DCLK1: variants seen among roughly 807,000 people sequenced by gnomAD.
The protein encoded by DCLK1 is serine/threonine-protein kinase DCLK1.
In DCLK1, 16 loss-of-function variants were observed where a neutral mutation model predicts 86.2. That is an observed-to-expected ratio of 0.19 (90% CI 0.13 to 0.28). The LOEUF (loss-of-function observed/expected upper bound fraction) is 0.28. DCLK1 is among the 10% of genes least tolerant of loss of function. The pLI is 1.00. For synonymous variants in DCLK1, 369 were observed against 370.5 expected, an observed-to-expected ratio of 1.00 and a Z score of 0.05; for missense variants, 590 against 940.2, an observed-to-expected ratio of 0.63 and a Z score of 4.87.
At chr13:36,091,122 C>A (rs1205712130) in intron 3 of DCLK1, among the ~76,000 whole-genome samples, 1 of 152,116 alleles carries the variant, frequency 6.6e-6, no homozygotes, top group East Asian at 1.9e-4. Flanking sequence ...AAAATTTTCT[C>A]CCATTCTGTT....
rs746607461 is a variant in DCLK1, at chr13:35,827,548, G to A, written c.1407+87C>T. On this transcript the variant is annotated intron_variant, in intron 10 of 16. Coordinates refer to ENST00000360631, the MANE Select transcript of DCLK1 (RefSeq NM_001330071.2). ...GTACAGAAATGAGAACCTGAATACT[G>A]ATGGGAGAAAATAAGGGAAAGAGCT... The A allele has an allele frequency of 6.0e-6, 9 of 1,497,754 alleles. No individual in the cohort carries two copies. In the Admixed American group the frequency reaches 1.4e-4, roughly 23 times the overall value. 92.8% of individuals were successfully genotyped at this position (1,497,754 alleles called of 1,614,324 possible).
intron 3 of DCLK1, among the ~76,000 whole-genome samples, chr13:36,028,093 G>A (rs1275963120): frequency 6.6e-6 from 1 of 152,194 alleles, no homozygotes; most frequent in East Asian, 1.9e-4. Context: ...TCAAGTTGAT[G>A]TTTTAGAAGA....
At chr13:36,103,404 T>TAAAAA (rs71084406) in intron 3 of DCLK1, among the ~76,000 whole-genome samples, 15 of 109,078 alleles carry the variant, frequency 1.4e-4, no homozygotes, top group African/African-American at 5.2e-4. Flanking sequence ...ACACCTGTCT[T>TAAAAA]AAAAAAAAAA....
At chr13:35,926,954 A>G (rs1456619857) in intron 4 of DCLK1, among the ~76,000 whole-genome samples, 1 of 152,248 alleles carries the variant, frequency 6.6e-6, no homozygotes, top group African/African-American at 2.4e-5. Context: ...GCAACTTCAC[A>G]TAATGGAATG....
intron 16 of DCLK1, among the ~76,000 whole-genome samples, chr13:35,778,041 A>G (rs2086456348): frequency 6.6e-6 from 1 of 152,232 alleles, no homozygotes; most frequent in South Asian, 2.1e-4. Context: ...CACAGTAGAT[A>G]TTCTACGAAC....
chr13:35,970,764 C>G (rs59179652), intron 3 of DCLK1, among the ~76,000 whole-genome samples: 1 of 152,136 alleles, frequency 6.6e-6, no homozygotes, highest in Non-Finnish European at 1.5e-5. Flanking sequence ...AATTACTCAG[C>G]CTCGGGTATT....
chr13:35,917,835 A>G (rs1875523103), intron 4 of DCLK1, among the ~76,000 whole-genome samples: 1 of 152,002 alleles, frequency 6.6e-6, no homozygotes, highest in Non-Finnish European at 1.5e-5. Flanking sequence ...GGAGGCCTCC[A>G]GTGGAGAGGC....
At chr13:36,103,860 G>T (rs1174337451) in intron 3 of DCLK1, among the ~76,000 whole-genome samples, 2 of 152,144 alleles carry the variant, frequency 1.3e-5, no homozygotes, top group African/African-American at 4.8e-5. Flanking sequence ...ATATCCATGG[G>T]ACATATTGAT....
At chr13:35,803,741 C>T (rs1022586792) in intron 15 of DCLK1, among the ~76,000 whole-genome samples, 13 of 152,180 alleles carry the variant, frequency 8.5e-5, no homozygotes, top group African/African-American at 3.1e-4. Context: ...ACAAATCACT[C>T]GACTACTCAC....
At chr13:36,031,060 C>G (rs866680734) in intron 3 of DCLK1, among the ~76,000 whole-genome samples, 3 of 152,184 alleles carry the variant, frequency 2.0e-5, no homozygotes, top group Non-Finnish European at 2.9e-5. Flanking sequence ...CTCACTCCTA[C>G]GCTTTTCCCA....
intron 12 of DCLK1, among the ~76,000 whole-genome samples, chr13:35,810,299 C>T (rs1257638262): frequency 6.6e-6 from 1 of 152,146 alleles, no homozygotes; most frequent in Non-Finnish European, 1.5e-5. Flanking sequence ...GAATAGGCTA[C>T]CCCACCCTTC....
intron 15 of DCLK1, among the ~76,000 whole-genome samples, chr13:35,801,417 C>A (rs1342038230): frequency 6.6e-6 from 1 of 152,084 alleles, no homozygotes; most frequent in Admixed American, 6.5e-5. Flanking sequence ...AAAAGTTAAG[C>A]ACTCACTTAA....
At chr13:36,025,458 A>G (rs1220469370) in intron 3 of DCLK1, among the ~76,000 whole-genome samples, 3 of 152,224 alleles carry the variant, frequency 2.0e-5, no homozygotes, top group Non-Finnish European at 4.4e-5. Flanking sequence ...TTCCTAATAG[A>G]CAAAAGGTTG....
At chr13:36,073,030 C>T (rs1884035611) in intron 3 of DCLK1, among the ~76,000 whole-genome samples, 1 of 152,184 alleles carries the variant, frequency 6.6e-6, no homozygotes, top group African/African-American at 2.4e-5. Context: ...CTACGAGAAG[C>T]AAAGTTTAAT....
chr13:35,942,724 C>A (rs899045944), intron 4 of DCLK1, among the ~76,000 whole-genome samples: 1 of 152,162 alleles, frequency 6.6e-6, no homozygotes, highest in Non-Finnish European at 1.5e-5. Context: ...ATATTTTCAT[C>A]TTAGTCCAAG....
At chr13:35,923,226 G>C (rs1875905849) in intron 4 of DCLK1, among the ~76,000 whole-genome samples, 1 of 152,144 alleles carries the variant, frequency 6.6e-6, no homozygotes, top group Non-Finnish European at 1.5e-5. Flanking sequence ...GAAAGCAACT[G>C]ATGGGGACTT....
intron 3 of DCLK1, among the ~76,000 whole-genome samples, chr13:35,971,592 G>A (rs1457605130): frequency 1.3e-5 from 2 of 152,066 alleles, no homozygotes; most frequent in African/African-American, 4.8e-5. Flanking sequence ...GTGAAAACCT[G>A]TCTCTACTGA....
chr13:36,115,182 A>C (rs148741339), intron 2 of DCLK1, among the ~76,000 whole-genome samples: 147 of 152,304 alleles, frequency 9.7e-4, no homozygotes, highest in African/African-American at 3.4e-3. Flanking sequence ...TTTAAAAAAC[A>C]AACGAAAAAA....
intron 3 of DCLK1, among the ~76,000 whole-genome samples, chr13:35,972,963 C>T (rs550818393): frequency 6.0e-4 from 92 of 152,284 alleles, no homozygotes; most frequent in African/African-American, 2.1e-3. Flanking sequence ...ATCCCCATGC[C>T]TGCTCTTCCT....
Sources: allele counts gnomAD v4.1 joint callset (sites outside exome capture counted in the v4.1 genomes callset), GRCh38; gene constraint gnomAD v4.1.1; transcripts MANE v1.5; gene names NCBI Gene and HGNC (gene_info 2026-07-23, HGNC 2026-07-21).